LRP1B: variants seen among roughly 807,000 people sequenced by gnomAD.
The protein encoded by LRP1B is LDL receptor related protein 1B, also known as low-density lipoprotein receptor-related protein 1B.
A neutral mutation model predicts 556.6 loss-of-function variants in LRP1B; 217 were observed. The ratio of observed to expected loss-of-function variants is 0.39; its 90% CI spans 0.35 to 0.44. The LOEUF (loss-of-function observed/expected upper bound fraction) is 0.44, where lower values mean the gene tolerates loss of function less well. Among genes scored for constraint, LRP1B ranks in the 20% least tolerant of loss-of-function variants. LRP1B has a pLI of 1.00. For missense variants in LRP1B, 5,053 were observed against 5,620.8 expected (o/e 0.90, Z 3.23); for synonymous variants, 2,047 against 1,865.8 (o/e 1.10, Z -2.50).
intron 33 of LRP1B, 83 bp downstream of exon 33, chr2:140,776,015 T>G: frequency 8.6e-7 from 1 of 1,163,298 alleles, no homozygotes; most frequent in Non-Finnish European, 1.2e-6. Flanking sequence ...ATAGAAACCT[T>G]TTATTGTTGA....
chr2:140,565,274 T>C (rs954534484), intron 43 of LRP1B, among the ~76,000 whole-genome samples: 6 of 124,008 alleles, frequency 4.8e-5, no homozygotes, highest in African/African-American at 1.7e-4. Flanking sequence ...TAAAAATTGT[T>C]TTATATATCA....
At chr2:141,162,021 T>C (rs918961386) in intron 7 of LRP1B, among the ~76,000 whole-genome samples, 3 of 152,068 alleles carry the variant, frequency 2.0e-5, no homozygotes, top group African/African-American at 7.2e-5. Flanking sequence ...GTGAAGATTA[T>C]ATGGAATTAT....
At chr2:140,935,294 A>C (rs1191271892) in intron 20 of LRP1B, among the ~76,000 whole-genome samples, 1 of 152,164 alleles carries the variant, frequency 6.6e-6, no homozygotes, top group Non-Finnish European at 1.5e-5. Flanking sequence ...GAAACAACGG[A>C]TGAACAAATG....
chr2:141,485,636 A>G (rs1476521379), intron 2 of LRP1B, among the ~76,000 whole-genome samples: 1 of 152,118 alleles, frequency 6.6e-6, no homozygotes, highest in Non-Finnish European at 1.5e-5. Flanking sequence ...CTAATTCCCA[A>G]TGATCATTTG....
intron 23 of LRP1B, among the ~76,000 whole-genome samples, chr2:140,899,845 T>A (rs1694052892): frequency 6.6e-6 from 1 of 152,194 alleles, no homozygotes; most frequent in Non-Finnish European, 1.5e-5. Context: ...AAAGTCATTT[T>A]AATAATCAAT....
In LRP1B at chr2:141,794,254, A is replaced by C. The variant is rs539667416; in HGVS notation, c.205+16025T>G. On this transcript the variant is annotated intron_variant, in intron 2 of 90. Coordinates refer to ENST00000389484, the MANE Select transcript of LRP1B (RefSeq NM_018557.3). The stretch of plus-strand genomic sequence containing the variant: ...AAACTCTTCCCCTTTGCATCTTCAC[A>C]TTTTTGCAGTAAGTAAACAGGAAAT... Among the ~76,000 whole-genome samples the C allele has an allele frequency of 7.6e-4, 115 of 151,992 alleles. 1 individual carries two copies. Among genetic ancestry groups the C allele is most frequent in the Non-Finnish European group, 1.4e-3 (94 of 67,890 alleles).
intron 21 of LRP1B, among the ~76,000 whole-genome samples, chr2:140,917,081 C>T (rs913080443): frequency 2.0e-5 from 3 of 152,098 alleles, no homozygotes; most frequent in South Asian, 2.1e-4. Flanking sequence ...GGCAAATGAA[C>T]ATTTGAAAAT....
At chr2:142,044,251 G>A (rs371615293) in intron 1 of LRP1B, among the ~76,000 whole-genome samples, 17 of 151,836 alleles carry the variant, frequency 1.1e-4, no homozygotes, top group African/African-American at 3.1e-4. Flanking sequence ...TCTTCTATCC[G>A]TGGGTGAATT....
rs377341529 is a variant in LRP1B at position 140,362,656 on chromosome 2, C to T, written c.11131+2005G>A. On this transcript the variant is annotated intron_variant, in intron 72 of 90. Transcript: ENST00000389484. ...TTTCACAAATCTTATTTCCTTTGTC[C>T]GCAATTTTGTATCACACTTTCACTC... 8.2e-4 allele frequency among the ~76,000 whole-genome samples: 124 copies of T among 151,548 alleles called. No homozygotes were observed. In the South Asian group the frequency reaches 0.025, roughly 30 times the overall value.
At chr2:141,324,057 CA>C (rs1687350089) in intron 3 of LRP1B, among the ~76,000 whole-genome samples, 3 of 104,214 alleles carry the variant, frequency 2.9e-5, no homozygotes, top group Admixed American at 9.5e-5. Context: ...CACACACACA[CA>C]CCTGAACAAG....
chr2:141,125,273 T>G (rs1335036269), intron 7 of LRP1B, among the ~76,000 whole-genome samples: 2 of 152,178 alleles, frequency 1.3e-5, no homozygotes, highest in Non-Finnish European at 2.9e-5. Context: ...ACCAGCAGGT[T>G]GCTAGCGACA....
chr2:140,947,759 T>C (rs1391793106), intron 20 of LRP1B, among the ~76,000 whole-genome samples: 1 of 152,230 alleles, frequency 6.6e-6, no homozygotes, highest in Non-Finnish European at 1.5e-5. Context: ...ATTCACCACG[T>C]AGAATATTTG....
intron 41 of LRP1B, among the ~76,000 whole-genome samples, chr2:140,686,265 A>G (rs541507893): frequency 6.6e-6 from 1 of 152,228 alleles, no homozygotes; most frequent in South Asian, 2.1e-4. Context: ...TTACAATTTG[A>G]GATGCAGAAA....
chr2:141,514,807 T>C lies in LRP1B; in HGVS notation c.206-34274A>G, dbSNP rs7603223. ...ATCTATTTTATAATAAGGTGTTTCA[T>C]ATCTCATCTAATTAACTGGATACTA... On this transcript the variant is annotated intron_variant, in intron 2 of 90. Coordinates refer to ENST00000389484, the MANE Select transcript of LRP1B (RefSeq NM_018557.3). Among the ~76,000 whole-genome samples the C allele has an allele frequency of 3.9e-3, 589 of 152,038 alleles. 5 individuals carry two copies. Among genetic ancestry groups the C allele is most frequent in the African/African-American group, 0.014 (577 of 41,430 alleles).
chr2:142,023,574 AAACT>A (rs1703413319), intron 1 of LRP1B, among the ~76,000 whole-genome samples: 1 of 152,226 alleles, frequency 6.6e-6, no homozygotes, highest in Non-Finnish European at 1.5e-5. Flanking sequence ...AAGTTAAAAT[AAACT>A]AACTCATGCT....
chr2:141,384,687 G>A (rs1450964299), intron 3 of LRP1B, among the ~76,000 whole-genome samples: 3 of 152,044 alleles, frequency 2.0e-5, no homozygotes, highest in African/African-American at 7.2e-5. Flanking sequence ...ACACTCCCTT[G>A]AAGCAGTGGA....
chr2:141,030,869 C>G (rs1197414938), intron 11 of LRP1B, among the ~76,000 whole-genome samples: 4 of 151,878 alleles, frequency 2.6e-5, no homozygotes, highest in Admixed American at 2.6e-4. Context: ...TAAGGAAGAT[C>G]TGAGGTAGTC....
At chr2:140,653,672 A>T (rs977381030) in intron 41 of LRP1B, among the ~76,000 whole-genome samples, 1 of 152,098 alleles carries the variant, frequency 6.6e-6, no homozygotes, top group African/African-American at 2.4e-5. Flanking sequence ...GGTAATTTAT[A>T]TGTTATTTAT....
intron 21 of LRP1B, 131 bp from the exon 22 acceptor site, chr2:140,908,208 T>G: frequency 1.5e-6 from 1 of 670,388 alleles, no homozygotes; most frequent in Non-Finnish European, 2.6e-6. Context: ...TCTATTTGCT[T>G]ATTATTTGAC....
Sources: gnomAD v4.1 joint callset for allele counts (sites outside exome capture counted in the v4.1 genomes callset) on GRCh38, gnomAD v4.1.1 for gene constraint, MANE v1.5 for transcripts, NCBI Gene and HGNC (gene_info 2026-07-23, HGNC 2026-07-21) for gene names.